The following CLCNKB variants were observed in gnomAD, a reference collection of about 807,000 sequenced individuals.
CLCNKB encodes chloride channel protein ClC-Kb.
In CLCNKB, 74 loss-of-function variants were observed where a neutral mutation model predicts 83.8. The observed-to-expected ratio is 0.88, with a 90% CI of 0.73 to 1.07. The LOEUF is 1.07. CLCNKB is among the 50% of genes least tolerant of loss of function. CLCNKB has a pLI of 0.00. For synonymous variants in CLCNKB, 358 were observed against 356.6 expected (o/e 1.00, Z -0.04); for missense variants, 798 against 893.6 (o/e 0.89, Z 1.36).
intron 7 of CLCNKB, 37 bp from the exon 8 acceptor site, chr1:16,049,080 TGGG>T: frequency 6.2e-7 from 1 of 1,601,022 alleles, no homozygotes; most frequent in Non-Finnish European, 8.6e-7. Flanking sequence ...CACAGGTGGG[TGGG>T]GGTGGAGGGC....
intron 1 of CLCNKB, 55 bp downstream of exon 1, chr1:16,043,935 G>GGT (rs1557464800): frequency 3.1e-5 from 1 of 32,162 alleles, no homozygotes; most frequent in Admixed American, 5.3e-4. Flanking sequence ...GGCAGGGCGG[G>GGT]GGGGGGGGGG....
intron 2 of CLCNKB, 118 bp from the exon 3 acceptor site, chr1:16,045,440 C>T (rs1248452161): frequency 7.8e-7 from 1 of 1,278,352 alleles, no homozygotes; most frequent in Middle Eastern, 2.2e-4. Context: ...CCAGAGTATA[C>T]CACCAAGCTC....
chr1:16,049,018 A>T, intron 7 of CLCNKB, 102 bp from the exon 8 acceptor site: 1 of 1,608,616 alleles, frequency 6.2e-7, no homozygotes, highest in Non-Finnish European at 8.5e-7. Flanking sequence ...GCTGCAGGAG[A>T]GCAGGACAGA....
chr1:16,046,720 G>A (rs530206349), intron 4 of CLCNKB, 57 bp downstream of exon 4: 5 of 1,606,674 alleles, frequency 3.1e-6, no homozygotes, highest in South Asian at 2.2e-5. Flanking sequence ...CAGATCCCAG[G>A]GGGGAGTCGG....
intron 1 of CLCNKB, 117 bp from the exon 2 acceptor site, chr1:16,044,351 TCACATACACACACACACA>T: frequency 6.9e-6 from 1 of 144,702 alleles, no homozygotes; most frequent in Non-Finnish European, 1.4e-5. Context: ...TGTGATAACT[TCACATACACACACACACA>T]CACACACACG....
At position 16,045,781 on chromosome 1, in the gene CLCNKB, G is replaced by C. The variant is rs541359125; in HGVS notation, c.229+95G>C. 1,777 of 1,285,706 alleles carry C rather than the reference G, an allele frequency of 1.4e-3. 44 individuals carry two copies. The African/African-American group carries it at 0.025, about 18-fold the overall frequency. 79.6% of individuals were successfully genotyped at this position (1,285,706 alleles called of 1,614,324 possible). On this transcript the variant is annotated intron_variant, in intron 3 of 19. Transcript: ENST00000375679. ...ATGTCGCCAGGTGCAGCGGAGGTTGGGGGGGGTGCTCTGGGTGGGGATCTG... is the reference window on the plus strand; with the variant it reads ...ATGTCGCCAGGTGCAGCGGAGGTTGCGGGGGGTGCTCTGGGTGGGGATCTG...
At chr1:16,044,871 A>G (rs2124082067) in intron 2 of CLCNKB, among the ~76,000 whole-genome samples, 1 of 152,182 alleles carries the variant, frequency 6.6e-6, no homozygotes, top group African/African-American at 2.4e-5. Context: ...TCCCTCACCT[A>G]CCTGTGCCAA....
chr1:16,055,882 C>T (rs1162182451), intron 18 of CLCNKB, 124 bp downstream of exon 18: 6 of 873,680 alleles, frequency 6.9e-6, no homozygotes, highest in East Asian at 5.3e-5. Flanking sequence ...GCTTCCTGCT[C>T]CTCCTGGGCC....
intron 16 of CLCNKB, among the ~76,000 whole-genome samples, chr1:16,055,233 C>T (rs1269251361): frequency 1.3e-5 from 2 of 152,196 alleles, no homozygotes; most frequent in African/African-American, 4.8e-5. Context: ...TCCTCAGCTA[C>T]CACACCTGAA....
chr1:16,045,432 A>C, intron 2 of CLCNKB, 126 bp from the exon 3 acceptor site: 1 of 1,173,308 alleles, frequency 8.5e-7, no homozygotes, highest in Non-Finnish European at 1.2e-6. Context: ...GGACTACCCC[A>C]GAGTATACCA....
At chr1:16,051,668 C>T in intron 13 of CLCNKB, 42 bp from the exon 14 acceptor site, 1 of 1,604,294 alleles carries the variant, frequency 6.2e-7, no homozygotes, top group Non-Finnish European at 8.5e-7. Flanking sequence ...GCTGTGGGGG[C>T]CGGGTCAGCC....
Position 16,049,637 on chromosome 1 carries a change from C to T in CLCNKB, c.801C>T (p.Tyr267=), listed in dbSNP as rs1222762167. ...NSEQETITSL[Y]KTSFRVDVPF... ...CCCCAGAGACCATCACCTCCCTCTA[C>T]AAGACCAGTTTCCGGGTGGACGTTC... The change falls in exon 9 of 20, where the codon TAC becomes TAT. Residue 267 remains tyrosine (Y), a synonymous_variant. Coordinates refer to ENST00000375679, the MANE Select transcript of CLCNKB (RefSeq NM_000085.5). 6.2e-7 allele frequency: 1 copy of T among 1,608,072 alleles called. No homozygotes were observed. The highest frequency in any genetic ancestry group is 8.5e-7 in the Non-Finnish European group (1 of 1,176,942).
chr1:16,045,818 A>G, intron 3 of CLCNKB, 132 bp downstream of exon 3: 1 of 1,090,394 alleles, frequency 9.2e-7, no homozygotes, highest in Admixed American at 2.0e-5. Context: ...TCCTGGCTTT[A>G]CTCCTGACTT....
At chr1:16,044,629 C>T (rs1334846819) in intron 2 of CLCNKB, 37 bp downstream of exon 2, 5 of 1,505,008 alleles carry the variant, frequency 3.3e-6, no homozygotes, top group Non-Finnish European at 3.6e-6. Flanking sequence ...CCCTGGAGGA[C>T]CACTCAGGAC....
chr1:16,050,632 G>A (rs1387152147), intron 11 of CLCNKB, 32 bp downstream of exon 11: 4 of 1,605,172 alleles, frequency 2.5e-6, no homozygotes, highest in Admixed American at 3.3e-5. Context: ...GGCAGGAGTG[G>A]GGAAGCCCTA....
chr1:16,045,696 C>G lies in CLCNKB; in HGVS notation c.229+10C>G, dbSNP rs1248336976. 1.2e-6 allele frequency: 2 copies of G among 1,612,280 alleles called. No homozygotes were observed. Among genetic ancestry groups the G allele is most frequent in the East Asian group, 2.2e-5 (1 of 44,790 alleles). ...GAGAGTGTGGTCCGAGGTAACCCCT[C>G]CATGGCAGGTGCTGCTCTGGGCCAA... On this transcript the variant is annotated intron_variant, in intron 3 of 19. Coordinates refer to ENST00000375679, the MANE Select transcript of CLCNKB (RefSeq NM_000085.5).
Position 16,049,658 on chromosome 1 carries a change from C to T in CLCNKB, c.822C>T (p.Asp274=), listed in dbSNP as rs771578232. 59 of 1,609,904 alleles carry T rather than the reference C, an allele frequency of 3.7e-5. No homozygotes were observed. In the Admixed American group the frequency reaches 5.7e-4, roughly 16 times the overall value. Residue 274 remains aspartate (D), a synonymous_variant, in exon 9 of 20, where the codon GAC becomes GAT. Coordinates refer to ENST00000375679, the MANE Select transcript of CLCNKB (RefSeq NM_000085.5). ...TSLYKTSFRV[D]VPFDLPEIFF... ...TCTACAAGACCAGTTTCCGGGTGGA[C>T]GTTCCCTTCGACCTGCCTGAGATCT...
rs781680908 is a variant in CLCNKB, at chr1:16,044,470, C to T, written c.-7-16C>T. ...CAGCAGCTCACCGCGGTCCCTCCCT[C>T]TATCCGCTTCTCCAGGGGCCTGATG... On this transcript the variant is annotated splice_polypyrimidine_tract_variant and intron_variant, in intron 1 of 19. Coordinates refer to ENST00000375679, the MANE Select transcript of CLCNKB (RefSeq NM_000085.5). 1 of 1,584,352 alleles carries T rather than the reference C, an allele frequency of 6.3e-7. No individual in the cohort carries two copies.
Position 16,057,129 on chromosome 1 carries a change from G to A in CLCNKB, c.*213G>A. The A allele has an allele frequency of 2.9e-6, 2 of 687,888 alleles. No homozygotes were observed. The highest frequency in any genetic ancestry group is 5.5e-5 in the East Asian group (2 of 36,124). The allele number at this position is 687,888 out of a possible 1,614,324, so 42.6% of individuals were successfully genotyped here. The stretch of plus-strand genomic sequence containing the variant: ...CCTTGAAAGACAAAAATCCCACCTT[G>A]GGCAGAGCTGAGTGTGAGAAGATGG... On this transcript the variant is annotated 3_prime_UTR_variant, in exon 20 of 20. Transcript: ENST00000375679.
Sources: gnomAD v4.1 joint callset for allele counts (sites outside exome capture counted in the v4.1 genomes callset) on GRCh38, gnomAD v4.1.1 for gene constraint, MANE v1.5 for transcripts, NCBI Gene and HGNC (gene_info 2026-07-23, HGNC 2026-07-21) for gene names.